The following RBPMS variants were observed in gnomAD, a reference collection of about 807,000 sequenced individuals.
RBPMS encodes RNA binding protein, mRNA processing factor, also known as RNA-binding protein with multiple splicing.
Under a neutral mutation model 26.8 loss-of-function variants are expected in RBPMS, and 7 were observed. That is an observed-to-expected ratio of 0.26 (90% CI 0.15 to 0.49). The LOEUF (loss-of-function observed/expected upper bound fraction) is 0.49. RBPMS is among the 20% of genes least tolerant of loss of function. The pLI is 0.98. For synonymous variants in RBPMS, 96 were observed against 93.3 expected, an observed-to-expected ratio of 1.03 and a Z score of -0.17; for missense variants, 186 against 250.0, an observed-to-expected ratio of 0.74 and a Z score of 1.73.
chr8:30,392,730 G>A (rs1807927318), intron 1 of RBPMS, among the ~76,000 whole-genome samples: 1 of 152,198 alleles, frequency 6.6e-6, no homozygotes, highest in African/African-American at 2.4e-5. Flanking sequence ...GAGAAGGCAA[G>A]GAGACAGCCT....
intron 4 of RBPMS, among the ~76,000 whole-genome samples, chr8:30,480,283 C>T (rs542052019): frequency 4.5e-4 from 69 of 152,260 alleles, no homozygotes; most frequent in African/African-American, 1.4e-3. Flanking sequence ...TGGGAACTTG[C>T]GTCTGGCCTT....
intron 8 of RBPMS, among the ~76,000 whole-genome samples, chr8:30,569,990 T>TTACCCGC (rs1313511522): frequency 1.3e-5 from 2 of 152,158 alleles, no homozygotes; most frequent in Non-Finnish European, 2.9e-5. Context: ...CCGCCGGCCG[T>TTACCCGC]TACCCGCTAC....
chr8:30,476,374 T>C (rs542776795), intron 2 of RBPMS, among the ~76,000 whole-genome samples: 11 of 152,326 alleles, frequency 7.2e-5, no homozygotes, highest in African/African-American at 2.6e-4. Flanking sequence ...GTGTTTTACT[T>C]GAGTGAAATA....
intron 4 of RBPMS, among the ~76,000 whole-genome samples, chr8:30,500,267 C>T (rs938976070): frequency 6.6e-6 from 1 of 151,964 alleles, no homozygotes; most frequent in East Asian, 1.9e-4. Context: ...TGGACTTACA[C>T]AGATAGAGAA....
intron 5 of RBPMS, among the ~76,000 whole-genome samples, chr8:30,541,515 T>C (rs1825387434): frequency 6.6e-6 from 1 of 152,146 alleles, no homozygotes; most frequent in African/African-American, 2.4e-5. Flanking sequence ...TTGCCCTGCC[T>C]CTCAGGAGGG....
At chr8:30,489,294 C>T (rs1464835487) in intron 4 of RBPMS, among the ~76,000 whole-genome samples, 1 of 152,062 alleles carries the variant, frequency 6.6e-6, no homozygotes, top group Non-Finnish European at 1.5e-5. Flanking sequence ...TGATCTCTCA[C>T]CTCAGCTTTG....
At chr8:30,467,075 T>C (rs1408644110) in intron 1 of RBPMS, among the ~76,000 whole-genome samples, 1 of 152,222 alleles carries the variant, frequency 6.6e-6, no homozygotes, top group African/African-American at 2.4e-5. Flanking sequence ...CAGTGCCAAC[T>C]AGAAACTGGA....
In RBPMS at chr8:30,525,517, T is replaced by A. The variant is rs184715250; in HGVS notation, c.398-18977T>A. ...TGATATCCTTTCAAAGTTCACTGGC[T>A]TCCTCTCTGAAGTCATCTAAAATTC... On this transcript the variant is annotated intron_variant, in intron 5 of 8. Coordinates refer to ENST00000397323, the MANE Select transcript of RBPMS (RefSeq NM_001008710.3). Among the ~76,000 whole-genome samples, 205 of 152,332 alleles carry A rather than the reference T, an allele frequency of 1.3e-3. 2 individuals are homozygous for A. Among genetic ancestry groups the A allele is most frequent in the African/African-American group, 4.7e-3 (197 of 41,576 alleles).
At chr8:30,474,726 TA>T (rs2150828041) in intron 1 of RBPMS, 52 bp from the exon 2 acceptor site, 1 of 1,001,074 alleles carries the variant, frequency 1.0e-6, no homozygotes, top group East Asian at 2.4e-5. Context: ...AGGTGAGAGT[TA>T]ACTCTCTGGA....
chr8:30,511,483 AAAAATATATAT>A (rs1317882187), intron 5 of RBPMS, among the ~76,000 whole-genome samples: 39 of 4,604 alleles, frequency 8.5e-3, no homozygotes, highest in African/African-American at 0.01. Flanking sequence ...AAAAAAAAAA[AAAAATATATAT>A]ATATATATAT....
chr8:30,439,646 T>A (rs1812852726), intron 1 of RBPMS, among the ~76,000 whole-genome samples: 1 of 152,118 alleles, frequency 6.6e-6, no homozygotes, highest in African/African-American at 2.4e-5. Context: ...TTTGACTTTT[T>A]TTTTTCCTTT....
At chr8:30,547,294 T>C in intron 6 of RBPMS, 1 of 1,597,968 alleles carries the variant, frequency 6.3e-7, no homozygotes, top group South Asian at 1.1e-5. Context: ...TCTTCTAGTG[T>C]TTCTCTCCTG....
At chr8:30,527,531 C>G (rs919956602) in intron 5 of RBPMS, among the ~76,000 whole-genome samples, 8 of 152,200 alleles carry the variant, frequency 5.3e-5, no homozygotes, top group African/African-American at 1.9e-4. Flanking sequence ...TCGTCACCCA[C>G]TAGCTGGCCT....
At chr8:30,431,048 A>C (rs1191470792) in intron 1 of RBPMS, among the ~76,000 whole-genome samples, 1 of 152,206 alleles carries the variant, frequency 6.6e-6, no homozygotes, top group Non-Finnish European at 1.5e-5. Flanking sequence ...TATTAGTCTC[A>C]ATCACTTGCA....
At chr8:30,564,477 C>T (rs1486441934) in intron 7 of RBPMS, 1 of 152,274 alleles carries the variant, frequency 6.6e-6, no homozygotes. Context: ...GAAGACCCTC[C>T]ACACTGTCAG....
rs998967835 is a variant in RBPMS, at chr8:30,571,599, G to A, written c.*1074G>A. Reference sequence around the variant, plus strand: ...AAAACACCGGCTGAACTGAGCTGGTGTTGCCAACTCTTGGCAGCACTGGGC... The same window carrying A: ...AAAACACCGGCTGAACTGAGCTGGTATTGCCAACTCTTGGCAGCACTGGGC... On this transcript the variant is annotated 3_prime_UTR_variant, in exon 9 of 9. Coordinates refer to ENST00000397323, the MANE Select transcript of RBPMS (RefSeq NM_001008710.3). 3 of 152,280 alleles carry A rather than the reference G, an allele frequency of 2.0e-5. No individual in the cohort carries two copies. Among genetic ancestry groups the A allele is most frequent in the African/African-American group, 4.8e-5 (2 of 41,460 alleles). 9.4% of individuals were successfully genotyped at this position (152,280 alleles called of 1,614,324 possible).
intron 4 of RBPMS, among the ~76,000 whole-genome samples, chr8:30,495,353 TC>T (rs1410074672): frequency 1.3e-5 from 2 of 151,888 alleles, no homozygotes; most frequent in South Asian, 2.1e-4. Flanking sequence ...ACCTAACACT[TC>T]CTGGAAGACT....
chr8:30,385,021 C>T lies in RBPMS; in HGVS notation c.-72C>T. Reference sequence around the variant, plus strand: ...GAGCCCCGGCGCCCGGGGAAGGCTCCAGTGGGCTAGCGCGCCCTCGCCCAG... The same window carrying T: ...GAGCCCCGGCGCCCGGGGAAGGCTCTAGTGGGCTAGCGCGCCCTCGCCCAG... On this transcript the variant is annotated 5_prime_UTR_variant, in exon 1 of 9. Transcript: ENST00000397323. 8 of 1,278,464 alleles carry T rather than the reference C, an allele frequency of 6.3e-6. No homozygotes were observed. In the South Asian group the frequency reaches 1.3e-4, roughly 20 times the overall value. 79.2% of individuals were successfully genotyped at this position (1,278,464 alleles called of 1,614,324 possible). A position where few individuals can be genotyped will look rare whatever the true frequency, so the allele number is the denominator to read the frequency against.
In RBPMS at chr8:30,560,559, A is replaced by G. The variant is rs567259785; in HGVS notation, c.*7+1603A>G. Among the ~76,000 whole-genome samples, 310 of 152,280 alleles carry G rather than the reference A, an allele frequency of 2.0e-3. 2 individuals are homozygous for G. The highest frequency in any genetic ancestry group is 7.2e-3 in the African/African-American group (298 of 41,550). On this transcript the variant is annotated intron_variant, in intron 7 of 8. Transcript: ENST00000397323. ...ATTGTATCTACTCTTCCTCTAACCC[A>G]ATGTATTTCATATTTTAACTCAAAT...
Sources: gnomAD v4.1 joint callset for allele counts (sites outside exome capture counted in the v4.1 genomes callset) on GRCh38, gnomAD v4.1.1 for gene constraint, MANE v1.5 for transcripts, NCBI Gene and HGNC (gene_info 2026-07-23, HGNC 2026-07-21) for gene names.